CPNE4: variants seen among roughly 807,000 people sequenced by gnomAD.
CPNE4 encodes the protein copine 4, also known as copine-4.
In CPNE4, 25 loss-of-function variants were observed where a neutral mutation model predicts 67.9. The observed-to-expected ratio is 0.37, with a 90% CI of 0.27 to 0.51. The LOEUF (loss-of-function observed/expected upper bound fraction) is 0.51, where lower values mean the gene tolerates loss of function less well. Ranked by LOEUF, CPNE4 falls within the 20% of genes least tolerant of loss-of-function variation. The pLI, the probability that CPNE4 is intolerant of heterozygous loss-of-function variation, is 0.93. For synonymous variants in CPNE4, 242 were observed against 244.9 expected (o/e 0.99, Z 0.11); for missense variants, 464 against 690.8 (o/e 0.67, Z 3.68).
At chr3:131,729,068 A>G (rs1364455119) in intron 2 of CPNE4, among the ~76,000 whole-genome samples, 5 of 152,146 alleles carry the variant, frequency 3.3e-5, no homozygotes, top group Non-Finnish European at 7.3e-5. Flanking sequence ...GTGTGATGCT[A>G]TCAGTGGGGA....
At chr3:131,919,399 G>C (rs1348117398) in intron 1 of CPNE4, among the ~76,000 whole-genome samples, 1 of 152,150 alleles carries the variant, frequency 6.6e-6, no homozygotes, top group African/African-American at 2.4e-5. Flanking sequence ...TTTGATACAC[G>C]TGCCAATATG....
chr3:131,643,205 G>A (rs540043534), intron 7 of CPNE4, among the ~76,000 whole-genome samples: 1 of 152,296 alleles, frequency 6.6e-6, no homozygotes, highest in East Asian at 1.9e-4. Context: ...GAGTTTGGTG[G>A]CATTTTGCCC....
chr3:131,680,293 A>T (rs2080711325), intron 6 of CPNE4, among the ~76,000 whole-genome samples: 2 of 142,336 alleles, frequency 1.4e-5, no homozygotes, highest in African/African-American at 2.7e-5. Flanking sequence ...ATTTTCCTCC[A>T]TCCCTTTATT....
At chr3:131,913,419 T>A (rs913745371) in intron 1 of CPNE4, among the ~76,000 whole-genome samples, 1 of 152,064 alleles carries the variant, frequency 6.6e-6, no homozygotes, top group African/African-American at 2.4e-5. Flanking sequence ...TGCATACAAC[T>A]CCAGTAAACA....
chr3:131,789,037 G>C (rs8180071), intron 2 of CPNE4, among the ~76,000 whole-genome samples: 55,041 of 109,604 alleles, frequency 0.5, 11,331 homozygotes, highest in East Asian at 0.6. Flanking sequence ...CACACACACA[G>C]AGAGAGAGAG....
chr3:131,566,216 C>A (rs1937049840), intron 10 of CPNE4, among the ~76,000 whole-genome samples: 1 of 151,768 alleles, frequency 6.6e-6, no homozygotes, highest in African/African-American at 2.4e-5. Flanking sequence ...GCAACCATGG[C>A]AATTTGGGGA....
At chr3:131,563,844 CTAAAG>C (rs1309978901) in intron 11 of CPNE4, among the ~76,000 whole-genome samples, 9 of 152,036 alleles carry the variant, frequency 5.9e-5, no homozygotes, top group African/African-American at 2.2e-4. Flanking sequence ...TTCTACGACT[CTAAAG>C]TATACACAAA....
intron 2 of CPNE4, among the ~76,000 whole-genome samples, chr3:131,892,126 G>A (rs528772532): frequency 7.6e-4 from 116 of 152,190 alleles, no homozygotes; most frequent in Middle Eastern, 6.8e-3. Flanking sequence ...AAGGTAAGCT[G>A]GAGATCCCCA....
chr3:132,018,533 G>T (rs9815452), intron 1 of CPNE4, among the ~76,000 whole-genome samples: 3 of 152,008 alleles, frequency 2.0e-5, no homozygotes, highest in African/African-American at 4.8e-5. Flanking sequence ...TTTGAAGTAG[G>T]GACTTTCTTC....
chr3:131,725,852 C>G (rs2081988405), intron 2 of CPNE4, among the ~76,000 whole-genome samples: 1 of 152,200 alleles, frequency 6.6e-6, no homozygotes, highest in East Asian at 1.9e-4. Context: ...TGGAGACTGT[C>G]CCATTTAGAC....
At chr3:131,977,669 T>A (rs1353693360) in intron 1 of CPNE4, among the ~76,000 whole-genome samples, 1 of 152,040 alleles carries the variant, frequency 6.6e-6, no homozygotes, top group Non-Finnish European at 1.5e-5. Flanking sequence ...TTTTCCTACA[T>A]CATTAAAGAT....
intron 1 of CPNE4, among the ~76,000 whole-genome samples, chr3:131,932,726 G>A (rs112272013): frequency 0.02 from 2,990 of 151,954 alleles, 84 homozygotes; most frequent in African/African-American, 0.067. Flanking sequence ...TCAGGAGTTC[G>A]AAAGCAGCCT....
chr3:131,608,171 C>A (rs1939617702), intron 7 of CPNE4, among the ~76,000 whole-genome samples: 1 of 152,004 alleles, frequency 6.6e-6, no homozygotes, highest in South Asian at 2.1e-4. Flanking sequence ...TGAGTGCCTA[C>A]TATGTATAAA....
At chr3:131,684,558 A>G (rs1372493681) in intron 6 of CPNE4, among the ~76,000 whole-genome samples, 1 of 152,250 alleles carries the variant, frequency 6.6e-6, no homozygotes, top group Non-Finnish European at 1.5e-5. Context: ...CATAACAATG[A>G]CATGAAACAT....
chr3:131,894,975 G>A (rs1256621480), intron 2 of CPNE4, among the ~76,000 whole-genome samples: 2 of 152,004 alleles, frequency 1.3e-5, no homozygotes, highest in Non-Finnish European at 1.5e-5. Flanking sequence ...GTCCAACAAC[G>A]AATGAATGGA....
In CPNE4 at chr3:131,754,667, C is replaced by T. The variant is rs147488290; in HGVS notation, c.181-31042G>A. On this transcript the variant is annotated intron_variant, in intron 2 of 15. Transcript: ENST00000429747. ...GTATTAAAAATGTGTAACACTGAAC[C>T]TGAGAATAGCTTCCAACAGCAAAAG... is the stretch of plus-strand genomic sequence containing the variant. 7.3e-3 allele frequency among the ~76,000 whole-genome samples: 1,104 copies of T among 152,186 alleles called. 17 individuals carry two copies. Among genetic ancestry groups the T allele is most frequent in the African/African-American group, 0.025 (1,052 of 41,518 alleles).
chr3:131,815,561 G>T (rs73222340), intron 2 of CPNE4, among the ~76,000 whole-genome samples: 23,183 of 152,162 alleles, frequency 0.15, 1,989 homozygotes, highest in African/African-American at 0.23. Context: ...AGTATGGGAA[G>T]ATTCCAGAAC....
intron 2 of CPNE4, among the ~76,000 whole-genome samples, chr3:131,882,911 G>A (rs1429107942): frequency 6.6e-6 from 1 of 151,848 alleles, no homozygotes; most frequent in Non-Finnish European, 1.5e-5. Context: ...TAGAGATGGG[G>A]TTTCACCATG....
At chr3:131,955,047 C>T (rs887186577) in intron 1 of CPNE4, among the ~76,000 whole-genome samples, 25 of 148,904 alleles carry the variant, frequency 1.7e-4, no homozygotes, top group African/African-American at 5.9e-4. Context: ...AGCTAGAAAT[C>T]GCATGTTCCA....
Sources: gnomAD v4.1 joint callset for allele counts (sites outside exome capture counted in the v4.1 genomes callset) on GRCh38, gnomAD v4.1.1 for gene constraint, MANE v1.5 for transcripts, NCBI Gene and HGNC (gene_info 2026-07-23, HGNC 2026-07-21) for gene names.